RDX: variants seen among roughly 807,000 people sequenced by gnomAD.
RDX encodes the protein deafness, autosomal recessive 24.
In RDX, 32 loss-of-function variants were observed where a neutral mutation model predicts 83.7. The ratio of observed to expected loss-of-function variants is 0.38; its 90% CI spans 0.29 to 0.51. The LOEUF is 0.51. Among genes scored for constraint, RDX ranks in the 20% least tolerant of loss-of-function variants. The pLI, the probability that RDX is intolerant of heterozygous loss-of-function variation, is 0.87. For synonymous variants in RDX, 229 were observed against 222.7 expected, an observed-to-expected ratio of 1.03 and a Z score of -0.25; for missense variants, 600 against 689.9, an observed-to-expected ratio of 0.87 and a Z score of 1.46.
At chr11:110,209,417 C>T (rs1376810315) in intron 14 of RDX, among the ~76,000 whole-genome samples, 3 of 151,864 alleles carry the variant, frequency 2.0e-5, no homozygotes, top group Admixed American at 6.6e-5. Context: ...GGGGGAGGGG[C>T]GCCCGCCATT....
intron 15 of RDX, among the ~76,000 whole-genome samples, chr11:110,192,738 A>G (rs549570304): frequency 6.6e-6 from 1 of 152,176 alleles, no homozygotes; most frequent in Non-Finnish European, 1.5e-5. Flanking sequence ...AAGAAGATAC[A>G]AGCAACGACA....
At chr11:110,279,853 G>C (rs972966366) in intron 1 of RDX, 97 bp from the exon 2 acceptor site, 2 of 561,458 alleles carry the variant, frequency 3.6e-6, no homozygotes, top group Non-Finnish European at 6.2e-6. Context: ...TATTTGAAAA[G>C]GTGGATTTAA....
At chr11:110,236,075 G>C in intron 12 of RDX, 24 bp downstream of exon 12, 1 of 1,496,060 alleles carries the variant, frequency 6.7e-7, no homozygotes, top group Non-Finnish European at 9.3e-7. Flanking sequence ...TTCAATAAAA[G>C]CTAGTAAATG....
rs1358159636 is a variant in RDX, at chr11:110,254,120, A to C, written c.796-11T>G. On this transcript the variant is annotated splice_polypyrimidine_tract_variant and intron_variant, in intron 8 of 13. Coordinates refer to ENST00000645495, the MANE Select transcript of RDX (RefSeq NM_002906.4). Reference sequence around the variant, plus strand: ...ATAAAACACAAAATCCTAAACATAAAGTATTCTGAATTTAAAATCTTCCTC... The same window carrying C: ...ATAAAACACAAAATCCTAAACATAACGTATTCTGAATTTAAAATCTTCCTC... 1 of 1,610,754 alleles carries C rather than the reference A, an allele frequency of 6.2e-7. No individual in the cohort carries two copies. The highest frequency in any genetic ancestry group is 1.3e-5 in the African/African-American group (1 of 74,866).
At chr11:110,292,948 G>A (rs1479220572) in intron 1 of RDX, among the ~76,000 whole-genome samples, 1 of 152,148 alleles carries the variant, frequency 6.6e-6, no homozygotes, top group East Asian at 1.9e-4. Context: ...TATGCCATAT[G>A]CTAGAAAACA....
chr11:110,246,017 C>T (rs1265758156), intron 10 of RDX, among the ~76,000 whole-genome samples: 1 of 152,132 alleles, frequency 6.6e-6, no homozygotes, highest in East Asian at 1.9e-4. Context: ...CACCTCTCAG[C>T]CTCCTGAGTA....
intron 15 of RDX, among the ~76,000 whole-genome samples, chr11:110,191,370 C>G (rs1446794556): frequency 6.6e-6 from 1 of 152,152 alleles, no homozygotes; most frequent in Non-Finnish European, 1.5e-5. Context: ...TGATAAAATC[C>G]AATATCCCTT....
chr11:110,272,655 G>C (rs776826047), intron 2 of RDX, 36 bp from the exon 3 acceptor site: 1 of 1,372,834 alleles, frequency 7.3e-7, no homozygotes, highest in Non-Finnish European at 1.0e-6. Context: ...AAGTAGAAGA[G>C]AAGTTATTAG....
rs759401700 is a variant in RDX, at chr11:110,231,759, T to C, written c.*110A>G. 21 of 1,175,240 alleles carry C rather than the reference T, an allele frequency of 1.8e-5. No homozygotes were observed. Among genetic ancestry groups the C allele is most frequent in the Non-Finnish European group, 2.7e-5 (21 of 791,362 alleles). 72.8% of individuals were successfully genotyped at this position (1,175,240 alleles called of 1,614,324 possible). On this transcript the variant is annotated 3_prime_UTR_variant, in exon 14 of 14. Coordinates refer to ENST00000645495, the MANE Select transcript of RDX (RefSeq NM_002906.4). ...TGTCTTTTAGCTAGCACAGTCAAAC[T>C]GGTGTAAGTGCTTTGGCAAGGTGGG...
At chr11:110,266,549 G>T (rs960047371) in intron 3 of RDX, among the ~76,000 whole-genome samples, 4 of 151,762 alleles carry the variant, frequency 2.6e-5, no homozygotes, top group Admixed American at 6.6e-5. Context: ...AACATTCTTG[G>T]TTTTTTGTGG....
At chr11:110,292,762 AG>A (rs1371239649) in intron 1 of RDX, among the ~76,000 whole-genome samples, 4 of 152,200 alleles carry the variant, frequency 2.6e-5, no homozygotes, top group African/African-American at 9.6e-5. Flanking sequence ...ATAATCTTAG[AG>A]AAAATAAACA....
At chr11:110,285,757 A>G (rs888533963) in intron 1 of RDX, among the ~76,000 whole-genome samples, 2 of 151,082 alleles carry the variant, frequency 1.3e-5, no homozygotes, top group African/African-American at 4.8e-5. Context: ...GTCTATAAAT[A>G]TATTAGTATG....
intron 14 of RDX, among the ~76,000 whole-genome samples, chr11:110,209,491 C>T (rs1863742486): frequency 6.6e-6 from 1 of 152,214 alleles, no homozygotes; most frequent in African/African-American, 2.4e-5. Flanking sequence ...CCCACCACAG[C>T]TCAAGGAGGA....
At chr11:110,285,846 G>A (rs1393474066) in intron 1 of RDX, among the ~76,000 whole-genome samples, 1 of 150,872 alleles carries the variant, frequency 6.6e-6, no homozygotes, top group Non-Finnish European at 1.5e-5. Context: ...AAGAAACCTA[G>A]ATGCATATCC....
intron 3 of RDX, among the ~76,000 whole-genome samples, chr11:110,267,515 A>AACACACACACACACACAC (rs71053877): frequency 2.3e-5 from 3 of 131,454 alleles, no homozygotes; most frequent in East Asian, 4.7e-4. Flanking sequence ...TCCGTCTCAA[A>AACACACACACACACACAC]ACACACACAC....
chr11:110,217,943 A>C (rs1864115201), intron 14 of RDX, among the ~76,000 whole-genome samples: 1 of 152,226 alleles, frequency 6.6e-6, no homozygotes. Context: ...GTATTAAATT[A>C]TTTATGAATC....
intron 9 of RDX, among the ~76,000 whole-genome samples, chr11:110,253,651 C>A (rs562719342): frequency 6.6e-6 from 1 of 152,114 alleles, no homozygotes; most frequent in Admixed American, 6.6e-5. Context: ...ATATAAGTCA[C>A]AAGCAAAACA....
chr11:110,209,514 G>A (rs548652835), intron 14 of RDX, among the ~76,000 whole-genome samples: 69 of 152,244 alleles, frequency 4.5e-4, no homozygotes, highest in Non-Finnish European at 9.1e-4. Flanking sequence ...GCCTGCCTCT[G>A]TAGGCAGCAC....
chr11:110,264,385 A>G (rs114141243), intron 4 of RDX, 151 bp from the exon 5 acceptor site: 16 of 628,806 alleles, frequency 2.5e-5, no homozygotes, highest in African/African-American at 2.2e-4. Context: ...ATCTGTAAAC[A>G]AATATATGTG....
Sources: gnomAD v4.1 joint callset for allele counts (sites outside exome capture counted in the v4.1 genomes callset) on GRCh38, gnomAD v4.1.1 for gene constraint, MANE v1.5 for transcripts, NCBI Gene and HGNC (gene_info 2026-07-23, HGNC 2026-07-21) for gene names.